Variants in CHCHD3 observed in about 807,000 individuals in gnomAD.
The protein encoded by CHCHD3 is coiled-coil-helix-coiled-coil-helix domain containing 3.
A neutral mutation model predicts 38.2 loss-of-function variants in CHCHD3; 20 were observed. That is an observed-to-expected ratio of 0.52 (90% CI 0.37 to 0.76). The LOEUF (loss-of-function observed/expected upper bound fraction) is 0.76. Among genes scored for constraint, CHCHD3 ranks in the 30% least tolerant of loss-of-function variants. The probability of loss-of-function intolerance (pLI) is 0.00; values close to 1 mark genes in which losing one functional copy is unlikely to be tolerated. For synonymous variants in CHCHD3, 82 were observed against 100.0 expected (o/e 0.82, Z 1.07); for missense variants, 245 against 279.2 (o/e 0.88, Z 0.87).
chr7:133,033,808 G>T (rs1813571249), intron 2 of CHCHD3, among the ~76,000 whole-genome samples: 1 of 151,902 alleles, frequency 6.6e-6, no homozygotes, highest in Admixed American at 6.5e-5. Context: ...TTTCCTTAGG[G>T]TAATCAAAAT....
intron 3 of CHCHD3, among the ~76,000 whole-genome samples, chr7:132,997,779 T>C (rs1321565229): frequency 6.7e-6 from 1 of 150,126 alleles, no homozygotes; most frequent in Non-Finnish European, 1.5e-5. Flanking sequence ...ACTCTGCGAA[T>C]ATCAAAAGTT....
chr7:132,886,935 A>G, intron 4 of CHCHD3: 2 of 1,242,244 alleles, frequency 1.6e-6, no homozygotes, highest in Non-Finnish European at 2.0e-6. Context: ...GTTTAGGTGA[A>G]CTACTTGCAC....
chr7:132,828,022 G>C (rs562314824), intron 6 of CHCHD3, among the ~76,000 whole-genome samples: 1 of 152,092 alleles, frequency 6.6e-6, no homozygotes, highest in Admixed American at 6.6e-5. Flanking sequence ...TTCCCTCAAT[G>C]ATGACCATTC....
chr7:133,036,023 T>A, intron 2 of CHCHD3: 3 of 782,960 alleles, frequency 3.8e-6, no homozygotes, highest in Non-Finnish European at 4.4e-6. Context: ...AATACCAACT[T>A]ATTCTCCATA....
intron 5 of CHCHD3, among the ~76,000 whole-genome samples, chr7:132,852,239 G>C (rs963802518): frequency 1.3e-5 from 2 of 152,184 alleles, no homozygotes; most frequent in Non-Finnish European, 2.9e-5. Flanking sequence ...CACTACTGCT[G>C]AAGAGCTAAT....
chr7:132,788,569 A>G lies in CHCHD3; in HGVS notation c.661-2909T>C, dbSNP rs1268944065. 2.0e-5 allele frequency among the ~76,000 whole-genome samples: 3 copies of G among 152,198 alleles called. No individual in the cohort carries two copies. Among genetic ancestry groups the G allele is most frequent in the Admixed American group, 1.3e-4 (2 of 15,284 alleles). ...TCTCTGCAACCTCAACCAAATATAG[A>G]TGGGTAATTTTTCAGCCAAATCATA... On this transcript the variant is annotated intron_variant, in intron 7 of 7. Coordinates refer to ENST00000262570, the MANE Select transcript of CHCHD3 (RefSeq NM_017812.4). This position sits in a 1 kb window ranked among gnomAD's most constrained non-coding sequence, Gnocchi z 4.0.
At chr7:132,804,931 T>A (rs1806877235) in intron 6 of CHCHD3, among the ~76,000 whole-genome samples, 1 of 152,208 alleles carries the variant, frequency 6.6e-6, no homozygotes, top group Non-Finnish European at 1.5e-5. Flanking sequence ...GTCAAGCCTT[T>A]TGTCTGTTTT....
chr7:133,019,486 A>T (rs935381532), intron 3 of CHCHD3, among the ~76,000 whole-genome samples: 8 of 152,186 alleles, frequency 5.3e-5, no homozygotes, highest in African/African-American at 1.9e-4. Flanking sequence ...AAAGGACTAC[A>T]CTATACTCTA....
rs954731278 is a variant in CHCHD3, at chr7:133,081,952, C to G, written c.-15G>C. On this transcript the variant is annotated 5_prime_UTR_variant, in exon 1 of 8. Coordinates refer to ENST00000262570, the MANE Select transcript of CHCHD3 (RefSeq NM_017812.4). ...GTCCCACCCATGATTCCGGTTCCTG[C>G]CCCAGCGGAGACCTAGCGGGGAACC... 6.5e-7 allele frequency: 1 copy of G among 1,537,334 alleles called. No individual in the cohort carries two copies. Among genetic ancestry groups the G allele is most frequent in the South Asian group, 1.2e-5 (1 of 82,132 alleles).
At chr7:133,004,708 T>C (rs1489340807) in intron 3 of CHCHD3, among the ~76,000 whole-genome samples, 3 of 152,098 alleles carry the variant, frequency 2.0e-5, no homozygotes, top group Non-Finnish European at 4.4e-5. Context: ...GAAACTGCAG[T>C]AGGCAAGGAG....
At chr7:133,069,822 T>A (rs1280473002) in intron 2 of CHCHD3, among the ~76,000 whole-genome samples, 1 of 152,242 alleles carries the variant, frequency 6.6e-6, no homozygotes, top group African/African-American at 2.4e-5. Flanking sequence ...ATTTTTTAAA[T>A]AAATATTTAT....
intron 6 of CHCHD3, among the ~76,000 whole-genome samples, chr7:132,829,106 C>T (rs1807575853): frequency 6.6e-6 from 1 of 152,146 alleles, no homozygotes; most frequent in Admixed American, 6.5e-5. Flanking sequence ...TGATTTTTAA[C>T]TGAAGCCCTT....
chr7:133,019,532 T>G (rs1813124286), intron 3 of CHCHD3, among the ~76,000 whole-genome samples: 1 of 152,226 alleles, frequency 6.6e-6, no homozygotes, highest in Non-Finnish European at 1.5e-5. Flanking sequence ...ACTAATTTAT[T>G]AAACCACTCA....
intron 6 of CHCHD3, among the ~76,000 whole-genome samples, chr7:132,800,613 A>T (rs1489583678): frequency 6.6e-6 from 1 of 152,226 alleles, no homozygotes; most frequent in Non-Finnish European, 1.5e-5. Context: ...GGCTAAAAAA[A>T]TCATGTAATG....
chr7:133,052,081 T>C (rs2117502798), intron 2 of CHCHD3: 1 of 152,316 alleles, frequency 6.6e-6, no homozygotes, highest in South Asian at 2.1e-4. Context: ...GATTCTACAA[T>C]GTTCTAGGCA....
At chr7:132,974,660 G>A (rs1811712897) in intron 4 of CHCHD3, among the ~76,000 whole-genome samples, 2 of 152,116 alleles carry the variant, frequency 1.3e-5, no homozygotes, top group Non-Finnish European at 2.9e-5. Context: ...TGGATCACAT[G>A]GTCAGGAGTT....
At chr7:132,934,264 A>G (rs150339557) in intron 4 of CHCHD3, among the ~76,000 whole-genome samples, 6 of 152,324 alleles carry the variant, frequency 3.9e-5, no homozygotes, top group South Asian at 2.1e-4. Flanking sequence ...CTACTGCTCT[A>G]CACACCGCAT....
intron 6 of CHCHD3, among the ~76,000 whole-genome samples, chr7:132,814,554 A>C (rs982540002): frequency 6.6e-6 from 1 of 152,210 alleles, no homozygotes; most frequent in African/African-American, 2.4e-5. Flanking sequence ...CCTTTCTATA[A>C]ATGCACCATG....
chr7:133,053,434 AAGACC>A (rs1814226208), intron 2 of CHCHD3, among the ~76,000 whole-genome samples: 3 of 152,174 alleles, frequency 2.0e-5, no homozygotes, highest in Non-Finnish European at 4.4e-5. Flanking sequence ...TATACTTGGA[AAGACC>A]TACTGATTCA....
Sources: gnomAD v4.1 joint callset for allele counts (sites outside exome capture counted in the v4.1 genomes callset) on GRCh38, gnomAD v4.1.1 for gene constraint, Gnocchi (gnomAD v3.1) non-coding constraint, MANE v1.5 for transcripts, NCBI Gene and HGNC (gene_info 2026-07-23, HGNC 2026-07-21) for gene names.